Variants in RFX4 observed in about 807,000 individuals in gnomAD.
RFX4 encodes the protein regulatory factor X4.
Under a neutral mutation model 95.0 loss-of-function variants are expected in RFX4, and 10 were observed. The ratio of observed to expected loss-of-function variants is 0.11; its 90% CI spans 0.06 to 0.18. RFX4 has a LOEUF of 0.18. RFX4 is among the 10% of genes least tolerant of loss of function. The probability of loss-of-function intolerance (pLI) is 1.00; values close to 1 mark genes in which losing one functional copy is unlikely to be tolerated. For synonymous variants in RFX4, 321 were observed against 340.7 expected, an observed-to-expected ratio of 0.94 and a Z score of 0.64; for missense variants, 640 against 922.0, an observed-to-expected ratio of 0.69 and a Z score of 3.96.
At position 106,652,154 on chromosome 12, in the gene RFX4, A is replaced by G. The variant is rs116541870; in HGVS notation, c.192-2074A>G. On this transcript the variant is annotated intron_variant, in intron 3 of 17. Transcript: ENST00000392842. ...GAAAACACACTTAGAATTCCAATTTATGATGTCAAAGACATACATCAGAAT... is the reference window on the plus strand; with the variant it reads ...GAAAACACACTTAGAATTCCAATTTGTGATGTCAAAGACATACATCAGAAT... Among the ~76,000 whole-genome samples the G allele has an allele frequency of 5.9e-3, 904 of 152,330 alleles. 12 individuals are homozygous for G. The highest frequency in any genetic ancestry group is 0.021 in the African/African-American group (853 of 41,582).
At chr12:106,739,277 A>T (rs1334797498) in intron 15 of RFX4, among the ~76,000 whole-genome samples, 2 of 152,220 alleles carry the variant, frequency 1.3e-5, no homozygotes, top group Non-Finnish European at 2.9e-5. Context: ...TGATCAGACA[A>T]TGTAAATATT....
intron 4 of RFX4, among the ~76,000 whole-genome samples, chr12:106,672,720 G>A (rs1390097021): frequency 6.7e-6 from 1 of 150,270 alleles, no homozygotes; most frequent in Admixed American, 6.6e-5. Flanking sequence ...TTTGGTGAAA[G>A]GAGAGGAGAA....
intron 1 of RFX4, chr12:106,601,396 C>T: frequency 6.5e-7 from 1 of 1,531,706 alleles, no homozygotes. Flanking sequence ...CTGGCACCCT[C>T]AGGGGGAACT....
chr12:106,624,491 C>T (rs1426116304), intron 2 of RFX4, among the ~76,000 whole-genome samples: 1 of 151,946 alleles, frequency 6.6e-6, no homozygotes, highest in Non-Finnish European at 1.5e-5. Flanking sequence ...CGTCCAGCTA[C>T]TTTTTGTATT....
chr12:106,693,457 G>T (rs748551701), intron 7 of RFX4, among the ~76,000 whole-genome samples: 1 of 152,132 alleles, frequency 6.6e-6, no homozygotes, highest in Non-Finnish European at 1.5e-5. Flanking sequence ...ATAAAAAAGG[G>T]GGTACGGCTG....
intron 16 of RFX4, among the ~76,000 whole-genome samples, chr12:106,749,095 AAAAG>A: frequency 6.6e-6 from 1 of 151,088 alleles, no homozygotes. Context: ...AAAAAAAAAA[AAAAG>A]AAAAGAAAAA....
intron 3 of RFX4, among the ~76,000 whole-genome samples, chr12:106,646,896 C>T (rs2040759043): frequency 6.6e-6 from 1 of 152,182 alleles, no homozygotes; most frequent in African/African-American, 2.4e-5. Context: ...TGTCAGTGTC[C>T]ACACAAATGC....
chr12:106,661,056 T>C (rs2041062247), intron 4 of RFX4, among the ~76,000 whole-genome samples: 1 of 152,192 alleles, frequency 6.6e-6, no homozygotes. Flanking sequence ...GGGCCCACCA[T>C]GTGCTGTAGC....
chr12:106,583,665 C>T, intron 1 of RFX4: 1 of 272,676 alleles, frequency 3.7e-6, no homozygotes, highest in Non-Finnish European at 6.8e-6. Context: ...TGGCTCGCGG[C>T]GAGCTCGAGG....
chr12:106,612,494 C>T (rs2039980400), intron 2 of RFX4, among the ~76,000 whole-genome samples: 2 of 152,168 alleles, frequency 1.3e-5, no homozygotes, highest in Non-Finnish European at 2.9e-5. Context: ...TTAGTTCTAA[C>T]AGTACTTTTG....
At chr12:106,691,903 A>T (rs1228260461) in intron 7 of RFX4, among the ~76,000 whole-genome samples, 1 of 152,222 alleles carries the variant, frequency 6.6e-6, no homozygotes, top group Non-Finnish European at 1.5e-5. Flanking sequence ...TCACGCCTGT[A>T]ATCCCAGCAC....
intron 3 of RFX4, among the ~76,000 whole-genome samples, chr12:106,642,925 G>A (rs914945554): frequency 2.0e-5 from 3 of 152,270 alleles, no homozygotes; most frequent in South Asian, 2.1e-4. Flanking sequence ...TAGGGCATGC[G>A]CCCAGCCTCC....
At chr12:106,715,244 A>G in intron 10 of RFX4, 156 bp from the exon 11 acceptor site, 1 of 754,786 alleles carries the variant, frequency 1.3e-6, no homozygotes. Flanking sequence ...TCTGAGTTAC[A>G]GAGTCTTCTG....
At chr12:106,583,611 C>A (rs550060871) in intron 1 of RFX4, 2 of 375,702 alleles carry the variant, frequency 5.3e-6, no homozygotes, top group African/African-American at 2.1e-5. Flanking sequence ...CGCGAAGGAG[C>A]GCGCTTTCGC....
intron 16 of RFX4, 142 bp from the exon 17 acceptor site, chr12:106,750,513 G>C (rs2042981386): frequency 8.4e-6 from 6 of 717,922 alleles, no homozygotes; most frequent in Non-Finnish European, 1.2e-5. Flanking sequence ...AAAGAAAAAT[G>C]GGATTGGGGG....
chr12:106,673,802 C>A (rs2041337636), intron 4 of RFX4, among the ~76,000 whole-genome samples: 1 of 152,198 alleles, frequency 6.6e-6, no homozygotes, highest in Non-Finnish European at 1.5e-5. Flanking sequence ...AGGAATGATT[C>A]TTTCATTCTT....
intron 1 of RFX4, among the ~76,000 whole-genome samples, chr12:106,584,533 G>T (rs12318346): frequency 6.6e-6 from 1 of 152,066 alleles, no homozygotes; most frequent in Non-Finnish European, 1.5e-5. Context: ...GCCGTCCCCT[G>T]AGCATGCACG....
At chr12:106,732,366 T>C (rs2042629680) in intron 14 of RFX4, 117 bp downstream of exon 14, 1 of 1,385,700 alleles carries the variant, frequency 7.2e-7, no homozygotes, top group Non-Finnish European at 9.8e-7. Context: ...GGTGAACAGG[T>C]TAAGTGGTAT....
chr12:106,653,199 G>A (rs1226634038), intron 3 of RFX4, among the ~76,000 whole-genome samples: 1 of 152,064 alleles, frequency 6.6e-6, no homozygotes, highest in Non-Finnish European at 1.5e-5. Flanking sequence ...AGATTTATTT[G>A]GATGCCTACA....
Sources: gnomAD v4.1 joint callset for allele counts (sites outside exome capture counted in the v4.1 genomes callset) on GRCh38, gnomAD v4.1.1 for gene constraint, MANE v1.5 for transcripts, NCBI Gene and HGNC (gene_info 2026-07-23, HGNC 2026-07-21) for gene names.